SPATS2: variants seen among roughly 807,000 people sequenced by gnomAD.
SPATS2 encodes the protein spermatogenesis-associated serine-rich protein 2.
In SPATS2, 38 loss-of-function variants were observed where a neutral mutation model predicts 63.7. The ratio of observed to expected loss-of-function variants is 0.60; its 90% CI spans 0.46 to 0.78. The LOEUF (loss-of-function observed/expected upper bound fraction) is 0.78, where lower values mean the gene tolerates loss of function less well. Among genes scored for constraint, SPATS2 ranks in the 30% least tolerant of loss-of-function variants. The pLI, the probability that SPATS2 is intolerant of heterozygous loss-of-function variation, is 0.00. For missense variants in SPATS2, 588 were observed against 666.2 expected, an observed-to-expected ratio of 0.88 and a Z score of 1.29; for synonymous variants, 207 against 232.9, an observed-to-expected ratio of 0.89 and a Z score of 1.01.
intron 3 of SPATS2, among the ~76,000 whole-genome samples, chr12:49,476,664 C>T (rs1181709325): frequency 2.0e-5 from 3 of 152,154 alleles, no homozygotes; most frequent in South Asian, 2.1e-4. Flanking sequence ...ACTGAAGAAG[C>T]GAGCCACACC....
intron 2 of SPATS2, among the ~76,000 whole-genome samples, chr12:49,406,158 G>A (rs1944693429): frequency 6.6e-6 from 1 of 152,132 alleles, no homozygotes; most frequent in Non-Finnish European, 1.5e-5. Context: ...CAGCTACTTG[G>A]GAGGCTGAGG....
intron 2 of SPATS2, among the ~76,000 whole-genome samples, chr12:49,391,628 G>A (rs1229144460): frequency 1.3e-5 from 2 of 152,192 alleles, no homozygotes; most frequent in Non-Finnish European, 2.9e-5. Flanking sequence ...CTAATGTTGT[G>A]ATTGTAGTAA....
At chr12:49,495,733 G>C (rs553068649) in intron 7 of SPATS2, among the ~76,000 whole-genome samples, 5 of 152,306 alleles carry the variant, frequency 3.3e-5, no homozygotes, top group Non-Finnish European at 7.3e-5. Context: ...TCAGTATTTA[G>C]AGACTACAGA....
At chr12:49,400,589 C>T (rs1432762787) in intron 2 of SPATS2, among the ~76,000 whole-genome samples, 1 of 152,110 alleles carries the variant, frequency 6.6e-6, no homozygotes, top group African/African-American at 2.4e-5. Context: ...GCAGTCAGTT[C>T]ATCTACAGTG....
chr12:49,450,640 T>C (rs1354416008), intron 2 of SPATS2, among the ~76,000 whole-genome samples: 1 of 151,918 alleles, frequency 6.6e-6, no homozygotes, highest in Admixed American at 6.6e-5. Flanking sequence ...GCCTCCCAGG[T>C]TCAAGCGATT....
At chr12:49,445,061 T>C (rs1192832831) in intron 2 of SPATS2, among the ~76,000 whole-genome samples, 1 of 152,232 alleles carries the variant, frequency 6.6e-6, no homozygotes, top group Non-Finnish European at 1.5e-5. Context: ...AACATGTTAC[T>C]TCTTCCTTTC....
In SPATS2 at chr12:49,389,923, A is replaced by G. The variant is rs144206518; in HGVS notation, c.-244+18633A>G. 1.4e-3 allele frequency: 1,137 copies of G among 810,556 alleles called. 24 individuals are homozygous for G. The highest frequency in any genetic ancestry group is 0.014 in the South Asian group (1,043 of 75,168). 50.2% of individuals were successfully genotyped at this position (810,556 alleles called of 1,614,324 possible). Reference sequence around the variant, plus strand: ...AAAGCAGCACTCCAAGGATACAGGCACATGTTGACCAGATAAATGAAATAT... The same window carrying G: ...AAAGCAGCACTCCAAGGATACAGGCGCATGTTGACCAGATAAATGAAATAT... On this transcript the variant is annotated intron_variant, in intron 2 of 13. Transcript: ENST00000552918.
At chr12:49,510,544 G>A (rs1443131464) in intron 9 of SPATS2, among the ~76,000 whole-genome samples, 1 of 140,170 alleles carries the variant, frequency 7.1e-6, no homozygotes, top group Non-Finnish European at 1.5e-5. Context: ...CAGCCTGGGC[G>A]ACAGTGAGAC....
chr12:49,439,757 A>T (rs968188750), intron 2 of SPATS2, among the ~76,000 whole-genome samples: 6 of 152,152 alleles, frequency 3.9e-5, no homozygotes. Flanking sequence ...TCAGGTATCC[A>T]CTGATGCTGG....
At chr12:49,515,878 A>C (rs1946829910) in intron 10 of SPATS2, among the ~76,000 whole-genome samples, 2 of 151,980 alleles carry the variant, frequency 1.3e-5, no homozygotes. Context: ...GCAGTGGCTC[A>C]TGCCTGTAAT....
intron 2 of SPATS2, among the ~76,000 whole-genome samples, chr12:49,380,167 C>CT (rs1307437668): frequency 0.088 from 12,036 of 136,494 alleles, 707 homozygotes; most frequent in African/African-American, 0.15. Flanking sequence ...TCCTCTCTCT[C>CT]TTTTTTTTTT....
At chr12:49,384,458 C>CT (rs1237474536) in intron 2 of SPATS2, among the ~76,000 whole-genome samples, 15 of 152,304 alleles carry the variant, frequency 9.8e-5, no homozygotes, top group African/African-American at 3.6e-4. Context: ...ACCCCACAGA[C>CT]TAACAGATTG....
chr12:49,461,333 T>G, intron 3 of SPATS2: 2 of 282,424 alleles, frequency 7.1e-6, no homozygotes, highest in Non-Finnish European at 1.3e-5. Flanking sequence ...CTGCAGGATA[T>G]TCTATGTTGT....
chr12:49,431,364 C>G (rs1945182510), intron 2 of SPATS2, among the ~76,000 whole-genome samples: 1 of 152,056 alleles, frequency 6.6e-6, no homozygotes, highest in South Asian at 2.1e-4. Flanking sequence ...TTCTCCTGCC[C>G]TGGCCTCCTG....
intron 2 of SPATS2, among the ~76,000 whole-genome samples, chr12:49,455,318 G>T (rs185080145): frequency 4.6e-5 from 7 of 152,276 alleles, no homozygotes; most frequent in Admixed American, 3.3e-4. Flanking sequence ...GCTGCTATGT[G>T]TACGCTTATG....
At chr12:49,506,580 G>A (rs547557985) in intron 9 of SPATS2, among the ~76,000 whole-genome samples, 1 of 152,246 alleles carries the variant, frequency 6.6e-6, no homozygotes, top group South Asian at 2.1e-4. Flanking sequence ...GGTGAGATTT[G>A]GGTGGGGACA....
chr12:49,465,736 G>A (rs948658042), intron 3 of SPATS2, among the ~76,000 whole-genome samples: 1 of 152,168 alleles, frequency 6.6e-6, no homozygotes, highest in African/African-American at 2.4e-5. Flanking sequence ...CTGAGGTCAG[G>A]AGTTCAAGAC....
chr12:49,489,432 G>A (rs772596014), intron 4 of SPATS2, 33 bp from the exon 5 acceptor site: 1 of 1,584,794 alleles, frequency 6.3e-7, no homozygotes, highest in South Asian at 1.1e-5. Flanking sequence ...ACCTACTAAT[G>A]TTAGAATTAA....
chr12:49,433,802 G>A (rs143997482), intron 2 of SPATS2, among the ~76,000 whole-genome samples: 9 of 152,260 alleles, frequency 5.9e-5, no homozygotes, highest in African/African-American at 2.2e-4. Flanking sequence ...AATCCCATTT[G>A]TCTATTACTG....
Sources: gnomAD v4.1 joint callset for allele counts (sites outside exome capture counted in the v4.1 genomes callset) on GRCh38, gnomAD v4.1.1 for gene constraint, MANE v1.5 for transcripts, NCBI Gene and HGNC (gene_info 2026-07-23, HGNC 2026-07-21) for gene names.